Variants in COMMD10 observed in about 807,000 individuals in gnomAD.
COMMD10 encodes the protein COMM domain containing 10.
Under a neutral mutation model 28.9 loss-of-function variants are expected in COMMD10, and 33 were observed. The observed-to-expected ratio is 1.14, with a 90% confidence interval of 0.87 to 1.53. The LOEUF (loss-of-function observed/expected upper bound fraction) is 1.53, where lower values mean the gene tolerates loss of function less well. COMMD10 is among the 40% of genes most tolerant of loss of function. COMMD10 has a pLI of 0.00. For synonymous variants in COMMD10, 110 were observed against 81.7 expected, an observed-to-expected ratio of 1.35 and a Z score of -1.87; for missense variants, 310 against 233.4, an observed-to-expected ratio of 1.33 and a Z score of -2.14.
At chr5:116,217,386 G>C (rs150267861) in intron 5 of COMMD10, among the ~76,000 whole-genome samples, 2 of 152,320 alleles carry the variant, frequency 1.3e-5, no homozygotes, top group Non-Finnish European at 2.9e-5. Flanking sequence ...GTCTTCATCT[G>C]ATGCTCTGAA....
intron 5 of COMMD10, among the ~76,000 whole-genome samples, chr5:116,173,943 A>G (rs933221113): frequency 3.3e-5 from 5 of 151,666 alleles, no homozygotes; most frequent in African/African-American, 9.7e-5. Context: ...AAAATATGCC[A>G]TGTGCCATAT....
intron 5 of COMMD10, among the ~76,000 whole-genome samples, chr5:116,224,117 A>G (rs1239772224): frequency 1.3e-5 from 2 of 152,134 alleles, no homozygotes; most frequent in African/African-American, 4.8e-5. Context: ...TCCAGGTTCT[A>G]AGGATTCTGG....
chr5:116,235,236 G>A (rs1300736379), intron 5 of COMMD10, among the ~76,000 whole-genome samples: 1 of 152,170 alleles, frequency 6.6e-6, no homozygotes, highest in Non-Finnish European at 1.5e-5. Context: ...AGAACAGATT[G>A]ATAATGAATA....
At chr5:116,111,324 G>A (rs538872871) in intron 4 of COMMD10, among the ~76,000 whole-genome samples, 4 of 149,952 alleles carry the variant, frequency 2.7e-5, no homozygotes, top group South Asian at 2.1e-4. Context: ...TGTTTGGTTC[G>A]TTCTTGCTTT....
chr5:116,185,903 G>T (rs187360377), intron 5 of COMMD10, among the ~76,000 whole-genome samples: 1 of 151,898 alleles, frequency 6.6e-6, no homozygotes, highest in East Asian at 1.9e-4. Flanking sequence ...TTTCCCATTA[G>T]TCTTCTCTGT....
rs546888580 is a variant in COMMD10, at chr5:116,268,148, T to C, written c.511-23369T>C. ...TCTGCACAGCAAAAGAAACTACCAT[T>C]AGAATGAACAGGCAACCTACAGAAT... On this transcript the variant is annotated intron_variant, in intron 5 of 6. Coordinates refer to ENST00000274458, the MANE Select transcript of COMMD10 (RefSeq NM_016144.4). Among the ~76,000 whole-genome samples the C allele has an allele frequency of 5.3e-5, 8 of 151,776 alleles. No homozygotes were observed. The East Asian group carries it at 1.5e-3, about 29-fold the overall frequency.
chr5:116,126,134 A>T (rs1751629117), intron 4 of COMMD10, among the ~76,000 whole-genome samples: 1 of 151,694 alleles, frequency 6.6e-6, no homozygotes, highest in Non-Finnish European at 1.5e-5. Context: ...TACGCCAATA[A>T]CAAACAGAGA....
intron 5 of COMMD10, among the ~76,000 whole-genome samples, chr5:116,248,473 G>C (rs1040087409): frequency 6.6e-6 from 1 of 152,004 alleles, no homozygotes; most frequent in East Asian, 1.9e-4. Context: ...ATAGGAGAGA[G>C]TAAAGCCCTT....
At chr5:116,172,250 A>G (rs1753360459) in intron 5 of COMMD10, among the ~76,000 whole-genome samples, 1 of 152,114 alleles carries the variant, frequency 6.6e-6, no homozygotes, top group African/African-American at 2.4e-5. Flanking sequence ...GTGTGAGAGG[A>G]AAGTAAAGAA....
chr5:116,270,474 G>A (rs7722462), intron 5 of COMMD10, among the ~76,000 whole-genome samples: 55,840 of 151,494 alleles, frequency 0.37, 12,997 homozygotes, highest in African/African-American at 0.66. Flanking sequence ...TGAATTTGGC[G>A]TCTGTATTTA....
At chr5:116,161,551 A>C (rs907152567) in intron 5 of COMMD10, among the ~76,000 whole-genome samples, 1 of 152,130 alleles carries the variant, frequency 6.6e-6, no homozygotes, top group Non-Finnish European at 1.5e-5. Context: ...CAGAAGCCTT[A>C]CCAATAACAG....
chr5:116,272,646 C>T (rs1750789628), intron 5 of COMMD10, among the ~76,000 whole-genome samples: 1 of 151,804 alleles, frequency 6.6e-6, no homozygotes, highest in Non-Finnish European at 1.5e-5. Context: ...TATTACATAT[C>T]CTGTTACCAT....
At chr5:116,237,271 G>A (rs546505175) in intron 5 of COMMD10, among the ~76,000 whole-genome samples, 106 of 152,236 alleles carry the variant, frequency 7.0e-4, no homozygotes, top group African/African-American at 2.1e-3. Context: ...AATGGGCTGC[G>A]TCACTAGTCT....
intron 5 of COMMD10, among the ~76,000 whole-genome samples, chr5:116,283,504 G>A (rs1235067059): frequency 4.0e-5 from 6 of 151,324 alleles, no homozygotes; most frequent in African/African-American, 7.3e-5. Flanking sequence ...CCACCACCAC[G>A]CCCAGCTAAT....
rs1029796734 is a variant in COMMD10 at position 116,258,552 on chromosome 5, C to T, written c.511-32965C>T. ...GCATGACTGAAAATGTATATTTATT[C>T]TCACTTGATTGCTGATTAGACTTGA... On this transcript the variant is annotated intron_variant, in intron 5 of 6. Transcript: ENST00000274458. Among the ~76,000 whole-genome samples the T allele has an allele frequency of 4.0e-5, 6 of 151,384 alleles. 1 individual carries two copies. Among genetic ancestry groups the T allele is most frequent in the African/African-American group, 1.5e-4 (6 of 40,990 alleles).
chr5:116,255,426 G>A (rs1750254700), intron 5 of COMMD10, among the ~76,000 whole-genome samples: 1 of 151,712 alleles, frequency 6.6e-6, no homozygotes, highest in African/African-American at 2.4e-5. Flanking sequence ...TGATTTTGCA[G>A]CGGCTGGTAC....
intron 5 of COMMD10, among the ~76,000 whole-genome samples, chr5:116,254,552 TGTACCCA>T (rs1186412016): frequency 6.6e-6 from 1 of 150,984 alleles, no homozygotes; most frequent in Non-Finnish European, 1.5e-5. Flanking sequence ...CATTTCGTTA[TGTACCCA>T]GTAGTCATTC....
At chr5:116,192,262 AC>A (rs35913184) in intron 5 of COMMD10, among the ~76,000 whole-genome samples, 83,503 of 142,450 alleles carry the variant, frequency 0.59, 27,578 homozygotes, top group South Asian at 0.75. Flanking sequence ...CTCTTTAACA[AC>A]CCCCCCCCCC....
intron 4 of COMMD10, among the ~76,000 whole-genome samples, chr5:116,108,956 C>G (rs1750942628): frequency 1.3e-5 from 2 of 152,088 alleles, no homozygotes; most frequent in African/African-American, 4.8e-5. Context: ...AGGGGGATCT[C>G]CTGACCCGTT....
Sources: allele counts gnomAD v4.1 joint callset (sites outside exome capture counted in the v4.1 genomes callset), GRCh38; gene constraint gnomAD v4.1.1; transcripts MANE v1.5; gene names NCBI Gene and HGNC (gene_info 2026-07-23, HGNC 2026-07-21).